Variants in TSPEAR observed in about 807,000 individuals in gnomAD.
The protein encoded by TSPEAR is thrombospondin type laminin G domain and EAR repeats, also known as thrombospondin-type laminin G domain and EAR repeat-containing protein.
In TSPEAR, 69 loss-of-function variants were observed where a neutral mutation model predicts 71.6. The observed-to-expected ratio is 0.96, with a 90% CI of 0.79 to 1.18. The LOEUF is 1.18. Ranked by LOEUF, TSPEAR falls within the 50% of genes most tolerant of loss-of-function variation. TSPEAR has a pLI of 0.00. For synonymous variants in TSPEAR, 402 were observed against 387.2 expected (o/e 1.04, Z -0.45); for missense variants, 971 against 894.9 (o/e 1.09, Z -1.09).
rs1433831420 is a variant in TSPEAR at position 44,506,396 on chromosome 21, G to C, written c.1755-1515C>G. Reference sequence around the variant, plus strand: ...CAGGCGGGTGCCTCTGTATTCAGCAGCCTCAGGGCTGTGGCCAGTTCAGGC... The same window carrying C: ...CAGGCGGGTGCCTCTGTATTCAGCACCCTCAGGGCTGTGGCCAGTTCAGGC... On this transcript the variant is annotated intron_variant, in intron 10 of 11. Coordinates refer to ENST00000323084, the MANE Select transcript of TSPEAR (RefSeq NM_144991.3). The surrounding 1 kb of genome is among the most constrained non-coding windows in gnomAD (Gnocchi z 4.2). Among the ~76,000 whole-genome samples, 10 of 152,264 alleles carry C rather than the reference G, an allele frequency of 6.6e-5. No homozygotes were observed. Among genetic ancestry groups the C allele is most frequent in the Admixed American group, 5.9e-4 (9 of 15,292 alleles).
chr21:44,577,694 T>G (rs1555924143), intron 1 of TSPEAR, among the ~76,000 whole-genome samples: 1 of 152,094 alleles, frequency 6.6e-6, no homozygotes, highest in Non-Finnish European at 1.5e-5. Context: ...GGGACACATA[T>G]CCACCATATC....
intron 2 of TSPEAR, chr21:44,540,032 G>A: frequency 2.5e-6 from 4 of 1,613,048 alleles, no homozygotes; most frequent in African/African-American, 1.3e-5. Flanking sequence ...CAGGCAGGGG[G>A]CCGGGGCGCA....
intron 2 of TSPEAR, among the ~76,000 whole-genome samples, chr21:44,534,365 T>G (rs1329943897): frequency 3.6e-5 from 2 of 55,158 alleles, no homozygotes; most frequent in African/African-American, 1.8e-4. Flanking sequence ...CTGGTGTGTG[T>G]GGGGCAGGGC....
At chr21:44,575,189 G>T in intron 1 of TSPEAR, 2 of 750,354 alleles carry the variant, frequency 2.7e-6, no homozygotes, top group South Asian at 3.9e-5. Context: ...CTCTTGCGGG[G>T]GGAGGGGGGC....
At position 44,620,140 on chromosome 21, in the gene TSPEAR, C is replaced by T. The variant is rs587661883; in HGVS notation, c.83-52135G>A. On this transcript the variant is annotated intron_variant, in intron 1 of 11. Coordinates refer to ENST00000323084, the MANE Select transcript of TSPEAR (RefSeq NM_144991.3). ...ATCAGAAACCATGGAGGCCAGAACG[C>T]GTTGGGATGACATATTTAACATGCT... Among the ~76,000 whole-genome samples, 6 of 152,312 alleles carry T rather than the reference C, an allele frequency of 3.9e-5. No individual in the cohort carries two copies. The South Asian group carries it at 1.0e-3, about 26-fold the overall frequency.
intron 9 of TSPEAR, chr21:44,510,767 C>G (rs1555912577): frequency 6.6e-6 from 1 of 152,344 alleles, no homozygotes; most frequent in Admixed American, 6.5e-5. Flanking sequence ...GGTCCCAAAG[C>G]AGATCCGCAG....
intron 1 of TSPEAR, chr21:44,580,612 G>A (rs376265217): frequency 6.3e-7 from 1 of 1,586,606 alleles, no homozygotes; most frequent in South Asian, 1.2e-5. Context: ...TGGGAGCTGG[G>A]GGAGGTGTGA....
intron 1 of TSPEAR, among the ~76,000 whole-genome samples, chr21:44,682,852 C>A (rs1292800718): frequency 6.6e-6 from 1 of 152,148 alleles, no homozygotes; most frequent in Non-Finnish European, 1.5e-5. Flanking sequence ...GCAGCTGAAG[C>A]CCTGGAGTCC....
chr21:44,550,759 G>A (rs369851907), intron 2 of TSPEAR: 2 of 1,614,218 alleles, frequency 1.2e-6, no homozygotes, highest in Non-Finnish European at 1.7e-6. Flanking sequence ...GGGCGGCAGA[G>A]GAGGGACACA....
intron 2 of TSPEAR, among the ~76,000 whole-genome samples, chr21:44,534,359 T>G (rs1555916157): frequency 1.8e-5 from 1 of 54,848 alleles, no homozygotes; most frequent in African/African-American, 7.3e-5. Flanking sequence ...GCGGGGCTGG[T>G]GTGTGTGGGG....
intron 2 of TSPEAR, among the ~76,000 whole-genome samples, chr21:44,544,299 CA>C (rs3051761): frequency 0.054 from 8,006 of 149,256 alleles, 648 homozygotes; most frequent in African/African-American, 0.18. Context: ...CATAATAAGA[CA>C]AAAAAAAAAT....
In TSPEAR at chr21:44,546,695, C is replaced by T. The variant is rs28815623; in HGVS notation, c.304-12772G>A. ...CTTTTTGGTTGTTGGTTTCCCCTGC[C>T]GCTGTACCCCAAGCCAGCATGTGAA... On this transcript the variant is annotated intron_variant, in intron 2 of 11. Transcript: ENST00000323084. The surrounding 1 kb of genome is among the most constrained non-coding windows in gnomAD (Gnocchi z 4.4). Among the ~76,000 whole-genome samples, 3,747 of 152,280 alleles carry T rather than the reference C, an allele frequency of 0.025. 139 individuals carry two copies. The highest frequency in any genetic ancestry group is 0.083 in the African/African-American group (3,454 of 41,540).
At chr21:44,517,423 G>A (rs2052610847) in intron 9 of TSPEAR, 1 of 230,802 alleles carries the variant, frequency 4.3e-6, no homozygotes, top group African/African-American at 2.3e-5. Flanking sequence ...GACAAGCTGG[G>A]TCATGTGACT....
chr21:44,686,086 G>C (rs1273720252), intron 1 of TSPEAR, among the ~76,000 whole-genome samples: 6 of 152,100 alleles, frequency 3.9e-5, no homozygotes. Context: ...CAGTGAGTGT[G>C]ACTGTGTTTG....
At chr21:44,647,642 G>C (rs1263558451) in intron 1 of TSPEAR, 2 of 473,326 alleles carry the variant, frequency 4.2e-6, no homozygotes, top group Non-Finnish European at 7.9e-6. Context: ...AAATTCTTGA[G>C]TCAGGAAATA....
Position 44,708,007 on chromosome 21 carries a change from G to GCACACA in TSPEAR, c.82+3420_82+3425dup, listed in dbSNP as rs58196199. 4.2e-3 allele frequency among the ~76,000 whole-genome samples: 515 copies of GCACACA among 122,394 alleles called. 5 individuals are homozygous for GCACACA. The highest frequency in any genetic ancestry group is 0.012 in the African/African-American group (357 of 30,126). 80.3% of individuals were successfully genotyped at this position (122,394 alleles called of 152,430 possible). On this transcript the variant is annotated intron_variant, in intron 1 of 11. Transcript: ENST00000323084. ...TTCCCCCCCTCCCCGCCCCGCGCGTGCACACACACACACACACACACACAC... is the reference window on the plus strand; with the variant it reads ...TTCCCCCCCTCCCCGCCCCGCGCGTGCACACACACACACACACACACACACACACAC...
rs1181483612 is a variant in TSPEAR at position 44,546,977 on chromosome 21, T to C, written c.304-13054A>G. Among the ~76,000 whole-genome samples, 2 of 152,184 alleles carry C rather than the reference T, an allele frequency of 1.3e-5. No individual in the cohort carries two copies. The highest frequency in any genetic ancestry group is 2.9e-5 in the Non-Finnish European group (2 of 68,036). ...TTTTTTCTGCTCCCCCTGTCTCCCC[T>C]CCATCTGGAAATCCAGTTAAGTGTG... On this transcript the variant is annotated intron_variant, in intron 2 of 11. Coordinates refer to ENST00000323084, the MANE Select transcript of TSPEAR (RefSeq NM_144991.3). This position sits in a 1 kb window ranked among gnomAD's most constrained non-coding sequence, Gnocchi z 4.4.
intron 1 of TSPEAR, chr21:44,637,575 G>A (rs782547431): frequency 2.5e-6 from 4 of 1,613,810 alleles, no homozygotes; most frequent in Non-Finnish European, 3.4e-6. Context: ...AGCCCCTGCT[G>A]CCAGACGGCC....
At chr21:44,553,127 T>TAATA (rs1332619579) in intron 2 of TSPEAR, among the ~76,000 whole-genome samples, 1 of 152,258 alleles carries the variant, frequency 6.6e-6, no homozygotes, top group Non-Finnish European at 1.5e-5. Flanking sequence ...AGCATGTGGC[T>TAATA]GCGCCAGGGA....
Sources: gnomAD v4.1 joint callset for allele counts (sites outside exome capture counted in the v4.1 genomes callset) on GRCh38, gnomAD v4.1.1 for gene constraint, Gnocchi (gnomAD v3.1) non-coding constraint, MANE v1.5 for transcripts, NCBI Gene and HGNC (gene_info 2026-07-23, HGNC 2026-07-21) for gene names.